Variants in GRIP1 observed in about 807,000 individuals in gnomAD.
The protein encoded by GRIP1 is glutamate receptor interacting protein 1.
GRIP1 carries 45 observed loss-of-function variants against 129.9 expected under a neutral mutation model. The ratio of observed to expected loss-of-function variants is 0.35; its 90% CI spans 0.27 to 0.44. The LOEUF is 0.44. Among genes scored for constraint, GRIP1 ranks in the 20% least tolerant of loss-of-function variants. The pLI is 1.00. For missense variants in GRIP1, 1,196 were observed against 1,396.8 expected (o/e 0.86, Z 2.29); for synonymous variants, 530 against 520.8 (o/e 1.02, Z -0.24).
At chr12:66,469,333 A>G (rs908333097) in intron 7 of GRIP1, among the ~76,000 whole-genome samples, 1 of 152,186 alleles carries the variant, frequency 6.6e-6, no homozygotes, top group Non-Finnish European at 1.5e-5. Flanking sequence ...AGGTTAACCA[A>G]CTTTATGAAA....
intron 1 of GRIP1, among the ~76,000 whole-genome samples, chr12:66,709,615 A>G (rs2035648372): frequency 6.6e-6 from 1 of 151,888 alleles, no homozygotes; most frequent in Non-Finnish European, 1.5e-5. Context: ...TACAGTGAAC[A>G]CTGGGGAAAG....
intron 1 of GRIP1, among the ~76,000 whole-genome samples, chr12:67,060,120 C>T (rs968248722): frequency 6.6e-6 from 1 of 151,946 alleles, no homozygotes; most frequent in African/African-American, 2.4e-5. Flanking sequence ...ACCGCCACCA[C>T]TTTCAGTGCT....
At chr12:66,578,232 GTTTTT>G (rs547352236) in intron 2 of GRIP1, among the ~76,000 whole-genome samples, 5 of 102,514 alleles carry the variant, frequency 4.9e-5, no homozygotes, top group Admixed American at 1.2e-4. Flanking sequence ...CAAAACCGCG[GTTTTT>G]TTTTTTTTTT....
intron 1 of GRIP1, among the ~76,000 whole-genome samples, chr12:66,854,382 C>T (rs564459297): frequency 2.0e-5 from 3 of 151,774 alleles, no homozygotes; most frequent in Non-Finnish European, 4.4e-5. Flanking sequence ...GCCTTGTACG[C>T]CTCAATAAGG....
intron 1 of GRIP1, among the ~76,000 whole-genome samples, chr12:66,991,114 T>C (rs1045170151): frequency 1.3e-5 from 2 of 149,934 alleles, no homozygotes; most frequent in African/African-American, 4.9e-5. Flanking sequence ...CTACTAAAAA[T>C]ACAAAAAAAT....
chr12:66,895,211 C>T (rs1420789134), intron 1 of GRIP1, among the ~76,000 whole-genome samples: 1 of 152,164 alleles, frequency 6.6e-6, no homozygotes, highest in East Asian at 1.9e-4. Flanking sequence ...CCTATAATCC[C>T]CACATGTCAT....
At chr12:66,987,752 C>T (rs529067845) in intron 1 of GRIP1, among the ~76,000 whole-genome samples, 74 of 152,312 alleles carry the variant, frequency 4.9e-4, no homozygotes, top group Non-Finnish European at 8.4e-4. Flanking sequence ...AGTACTCACT[C>T]ATTTCCGATT....
chr12:66,471,477 C>T (rs557023319), intron 7 of GRIP1, among the ~76,000 whole-genome samples: 104 of 152,292 alleles, frequency 6.8e-4, no homozygotes, highest in Non-Finnish European at 8.4e-4. Flanking sequence ...ATTTGCACAA[C>T]TCTGTGAATG....
At chr12:66,820,260 G>A (rs10878512) in intron 1 of GRIP1, among the ~76,000 whole-genome samples, 147,145 of 152,304 alleles carry the variant, frequency 0.97, 71,304 homozygotes, top group East Asian at 1. Context: ...GATGCTCCAA[G>A]TCATATGCGA....
intron 7 of GRIP1, among the ~76,000 whole-genome samples, chr12:66,481,808 T>G (rs999666088): frequency 3.3e-5 from 5 of 152,138 alleles, no homozygotes; most frequent in Admixed American, 3.3e-4. Flanking sequence ...GGGACATGGA[T>G]GAAGCTGGAA....
rs1281496758 is a variant in GRIP1, at chr12:66,381,293, G to A, written c.2465-1857C>T. ...TGCAAAAGTGTGGTTAGCCATCTGG[G>A]AAGAAGTCTTATGAATGCAGTTTTC... On this transcript the variant is annotated intron_variant, in intron 19 of 24. Coordinates refer to ENST00000359742, the MANE Select transcript of GRIP1 (RefSeq NM_001366722.1). Among the ~76,000 whole-genome samples, 4 of 152,184 alleles carry A rather than the reference G, an allele frequency of 2.6e-5. 1 individual carries two copies.
chr12:66,567,027 T>C (rs1463661477), intron 2 of GRIP1, among the ~76,000 whole-genome samples: 1 of 152,198 alleles, frequency 6.6e-6, no homozygotes, highest in Non-Finnish European at 1.5e-5. Context: ...TCTTCTTTAT[T>C]AGTCTTGCTA....
intron 1 of GRIP1, among the ~76,000 whole-genome samples, chr12:66,893,487 C>T (rs1243621253): frequency 6.6e-6 from 1 of 152,204 alleles, no homozygotes. Context: ...ATCCTCCTGC[C>T]TTGGCCTCCC....
At chr12:67,040,393 G>A (rs2043159351) in intron 1 of GRIP1, among the ~76,000 whole-genome samples, 2 of 152,132 alleles carry the variant, frequency 1.3e-5, no homozygotes, top group African/African-American at 4.8e-5. Context: ...ATTTTCAAGT[G>A]ATCTTTCTGT....
intron 1 of GRIP1, among the ~76,000 whole-genome samples, chr12:66,774,019 TG>T (rs1469230896): frequency 1.3e-5 from 2 of 150,160 alleles, no homozygotes; most frequent in Non-Finnish European, 3.0e-5. Flanking sequence ...TGCTAGAAGA[TG>T]GGAGTTAAAA....
intron 7 of GRIP1, among the ~76,000 whole-genome samples, chr12:66,487,450 C>T (rs946502529): frequency 6.6e-6 from 1 of 152,144 alleles, no homozygotes; most frequent in African/African-American, 2.4e-5. Flanking sequence ...ATCACCACCT[C>T]AAGCCTGCTT....
chr12:66,915,337 T>C (rs1463898552), intron 1 of GRIP1, among the ~76,000 whole-genome samples: 1 of 152,206 alleles, frequency 6.6e-6, no homozygotes, highest in African/African-American at 2.4e-5. Flanking sequence ...AGAGTTAGCC[T>C]GATTTAATTG....
At chr12:66,759,090 A>G (rs2037390778) in intron 1 of GRIP1, among the ~76,000 whole-genome samples, 1 of 152,202 alleles carries the variant, frequency 6.6e-6, no homozygotes. Context: ...CCCTAGTAGA[A>G]GTTCTCCATG....
At chr12:66,726,904 G>C (rs948497268) in intron 1 of GRIP1, among the ~76,000 whole-genome samples, 5 of 152,186 alleles carry the variant, frequency 3.3e-5, no homozygotes, top group African/African-American at 1.2e-4. Flanking sequence ...GTGCCCTTCA[G>C]GATATTAGCT....
Sources: gnomAD v4.1 joint callset for allele counts (sites outside exome capture counted in the v4.1 genomes callset) on GRCh38, gnomAD v4.1.1 for gene constraint, MANE v1.5 for transcripts, NCBI Gene and HGNC (gene_info 2026-07-23, HGNC 2026-07-21) for gene names.